Variants in IZUMO4 observed in about 807,000 individuals in gnomAD.
IZUMO4 encodes the protein IZUMO family member 4.
IZUMO4 carries 51 observed loss-of-function variants against 37.1 expected under a neutral mutation model. The ratio of observed to expected loss-of-function variants is 1.38; its 90% CI spans 1.10 to 1.74. The LOEUF is 1.74. Ranked by LOEUF, IZUMO4 falls within the 40% of genes most tolerant of loss-of-function variation. IZUMO4 has a pLI of 0.00. For missense variants in IZUMO4, 364 were observed against 299.6 expected (o/e 1.21, Z -1.59); for synonymous variants, 162 against 121.4 (o/e 1.33, Z -2.20).
At position 2,098,970 on chromosome 19, in the gene IZUMO4, G is replaced by T; in HGVS notation, c.555-6G>T. The T allele has an allele frequency of 1.9e-6, 3 of 1,613,090 alleles. No homozygotes were observed. The highest frequency in any genetic ancestry group is 2.5e-6 in the Non-Finnish European group (3 of 1,179,940). Reference sequence around the variant, plus strand: ...AACCACACCCATGTGGTGGTTTCATGAACAGACCACGCTCCTCTGCCTTCT... The same window carrying T: ...AACCACACCCATGTGGTGGTTTCATTAACAGACCACGCTCCTCTGCCTTCT... On this transcript the variant is annotated splice_region_variant and splice_polypyrimidine_tract_variant and intron_variant, in intron 8 of 9. Coordinates refer to ENST00000395301, the MANE Select transcript of IZUMO4 (RefSeq NM_001039846.2).
intron 7 of IZUMO4, 121 bp downstream of exon 7, chr19:2,098,571 G>C: frequency 6.2e-7 from 1 of 1,605,446 alleles, no homozygotes; most frequent in Admixed American, 1.7e-5. Flanking sequence ...TCCCGAGGAG[G>C]TGGAACCTCA....
chr19:2,097,386 C>T, intron 2 of IZUMO4, 38 bp from the exon 3 acceptor site: 2 of 1,608,608 alleles, frequency 1.2e-6, no homozygotes, highest in South Asian at 1.1e-5. Flanking sequence ...ACCCCGCCCA[C>T]CGCCTGAGCC....
Position 2,097,938 on chromosome 19 carries a change from A to G in IZUMO4, c.380A>G (p.Asp127Gly). The G allele has an allele frequency of 6.2e-7, 1 of 1,613,108 alleles. No homozygotes were observed. The highest frequency in any genetic ancestry group is 8.5e-7 in the Non-Finnish European group (1 of 1,179,970). ...IQNAIIESRIDCQHRCGIFQY... is the reference protein window; with the variant it reads ...IQNAIIESRIGCQHRCGIFQY... ...TCCTGCCCTCCCACAGGCCGCATCG[A>G]CTGTCAGCACCGCTGTGGTAAGCAA... The change falls in exon 4 of 10, where the codon GAC (aspartate) becomes GGC (glycine). Residue 127 changes from aspartate to glycine, a missense_variant. Coordinates refer to ENST00000395301, the MANE Select transcript of IZUMO4 (RefSeq NM_001039846.2).
intron 7 of IZUMO4, 93 bp from the exon 8 acceptor site, chr19:2,098,694 C>G: frequency 6.4e-7 from 1 of 1,573,200 alleles, no homozygotes; most frequent in Non-Finnish European, 8.6e-7. Flanking sequence ...TGGTTCCACC[C>G]CATCCCAGGT....
intron 7 of IZUMO4, 136 bp downstream of exon 7, chr19:2,098,586 A>G (rs2017794141): frequency 6.3e-7 from 1 of 1,599,730 alleles, no homozygotes; most frequent in East Asian, 2.2e-5. Flanking sequence ...ACCTCAACCC[A>G]GCTCTGCGCA....
At position 2,098,772 on chromosome 19, in the gene IZUMO4, C is replaced by T. The variant is rs2017803005; in HGVS notation, c.537-15C>T. 4.4e-6 allele frequency: 7 copies of T among 1,604,500 alleles called. No individual in the cohort carries two copies. Among genetic ancestry groups the T allele is most frequent in the South Asian group, 2.2e-5 (2 of 90,168 alleles). On this transcript the variant is annotated splice_polypyrimidine_tract_variant and intron_variant, in intron 7 of 9. Transcript: ENST00000395301. ...TGCCCCATGGAGGGGCTGACTGCCC[C>T]ACATTGCCTTTCAGACAGGACACGA...
intron 3 of IZUMO4, 73 bp from the exon 4 acceptor site, chr19:2,097,856 G>C (rs151161312): frequency 1.3e-6 from 2 of 1,578,862 alleles, no homozygotes; most frequent in East Asian, 2.2e-5. Context: ...CTGAGGCTTT[G>C]GAGGGTTGGG....
At chr19:2,098,029 G>A in intron 4 of IZUMO4, 23 bp from the exon 5 acceptor site, 1 of 1,613,222 alleles carries the variant, frequency 6.2e-7, no homozygotes, top group Non-Finnish European at 8.5e-7. Flanking sequence ...GGGGAGCCCT[G>A]GCGGCTCTTG....
rs777775783 is a variant in IZUMO4 at position 2,098,039 on chromosome 19, G to C, written c.398-13G>C. 1.9e-6 allele frequency: 3 copies of C among 1,613,346 alleles called. No homozygotes were observed. Among genetic ancestry groups the C allele is most frequent in the South Asian group, 1.1e-5 (1 of 91,092 alleles). ...GCTGAGGGGAGCCCTGGCGGCTCTT[G>C]TACGTGTTTCAGGCATCTTCCAGTA... On this transcript the variant is annotated splice_polypyrimidine_tract_variant and intron_variant, in intron 4 of 9. Coordinates refer to ENST00000395301, the MANE Select transcript of IZUMO4 (RefSeq NM_001039846.2).
intron 3 of IZUMO4, 116 bp from the exon 4 acceptor site, chr19:2,097,813 G>A (rs892113958): frequency 1.5e-6 from 2 of 1,322,226 alleles, no homozygotes; most frequent in Non-Finnish European, 2.1e-6. Context: ...TGAAAACCAG[G>A]TGAGCCTGGG....
chr19:2,098,674 C>T lies in IZUMO4; in HGVS notation c.537-113C>T, dbSNP rs796568517. On this transcript the variant is annotated intron_variant, in intron 7 of 9. Coordinates refer to ENST00000395301, the MANE Select transcript of IZUMO4 (RefSeq NM_001039846.2). ...GGCGGGCATCTTTCCTAAAGGGTCC[C>T]CATAGGGTCTGGTTCCACCCCATCC... is the stretch of plus-strand genomic sequence containing the variant. 35 of 1,564,314 alleles carry T rather than the reference C, an allele frequency of 2.2e-5. 1 individual carries two copies. In the Admixed American group the frequency reaches 3.7e-4, roughly 16 times the overall value.
chr19:2,097,374 AC>A, intron 2 of IZUMO4, 42 bp downstream of exon 2: 2 of 801,406 alleles, frequency 2.5e-6, no homozygotes, highest in Admixed American at 2.0e-5. Flanking sequence ...CCACCCCGGG[AC>A]ACCCCGCCCA....
In IZUMO4 at chr19:2,098,805, G is replaced by GT; in HGVS notation, c.554+2dup. On this transcript the variant is annotated splice_donor_variant, in intron 8 of 9. Transcript: ENST00000395301. LOFTEE classifies it high-confidence loss of function. Reference sequence around the variant, plus strand: ...CTTTCAGACAGGACACGAGCATGAGGTAAGGCCGCCCTGACCTGGACTTCA... The same window carrying GT: ...CTTTCAGACAGGACACGAGCATGAGGTTAAGGCCGCCCTGACCTGGACTTCA... The GT allele has an allele frequency of 1.3e-6, 2 of 1,599,934 alleles. No individual in the cohort carries two copies. Among genetic ancestry groups the GT allele is most frequent in the Non-Finnish European group, 1.7e-6 (2 of 1,172,868 alleles).
intron 5 of IZUMO4, 57 bp from the exon 6 acceptor site, chr19:2,098,230 G>C: frequency 3.7e-6 from 6 of 1,612,460 alleles, no homozygotes; most frequent in Non-Finnish European, 5.1e-6. Context: ...GGCTGTCATC[G>C]GGTAGGGCGG....
At chr19:2,097,815 G>A (rs1010511543) in intron 3 of IZUMO4, 114 bp from the exon 4 acceptor site, 3 of 1,337,118 alleles carry the variant, frequency 2.2e-6, no homozygotes, top group Non-Finnish European at 3.2e-6. Flanking sequence ...AAAACCAGGT[G>A]AGCCTGGGCC....
In IZUMO4 at chr19:2,098,041, A is replaced by T. The variant is rs757421628; in HGVS notation, c.398-11A>T. On this transcript the variant is annotated splice_polypyrimidine_tract_variant and intron_variant, in intron 4 of 9. Coordinates refer to ENST00000395301, the MANE Select transcript of IZUMO4 (RefSeq NM_001039846.2). ...TGAGGGGAGCCCTGGCGGCTCTTGT[A>T]CGTGTTTCAGGCATCTTCCAGTACG... is the stretch of plus-strand genomic sequence containing the variant. 14 of 1,613,300 alleles carry T rather than the reference A, an allele frequency of 8.7e-6. No individual in the cohort carries two copies. The South Asian group carries it at 1.1e-4, about 13-fold the overall frequency.
In IZUMO4 at chr19:2,098,969, T is replaced by C. The variant is rs1599423829; in HGVS notation, c.555-7T>C. ...CAACCACACCCATGTGGTGGTTTCA[T>C]GAACAGACCACGCTCCTCTGCCTTC... On this transcript the variant is annotated splice_region_variant and splice_polypyrimidine_tract_variant and intron_variant, in intron 8 of 9. Transcript: ENST00000395301. 1 of 1,613,058 alleles carries C rather than the reference T, an allele frequency of 6.2e-7. No homozygotes were observed. Among genetic ancestry groups the C allele is most frequent in the East Asian group, 2.2e-5 (1 of 44,878 alleles).
In IZUMO4 at chr19:2,098,448, C is replaced by T. The variant is rs763662871; in HGVS notation, c.534C>T (p.His178=). ...ACTGTCTTTGTAGAAATAACTGGCACAAGTAAGTCCCCTCCTCAAACCAAC... is the reference window on the plus strand; with the variant it reads ...ACTGTCTTTGTAGAAATAACTGGCATAAGTAAGTCCCCTCCTCAAACCAAC... ...QGLLNYINNW[H]KQDTSMRPRS... The change falls in exon 7 of 10, where the codon CAC becomes CAT. Residue 178 remains histidine (H), a splice_region_variant and synonymous_variant. Transcript: ENST00000395301. 1.2e-6 allele frequency: 2 copies of T among 1,613,914 alleles called. No individual in the cohort carries two copies. Among genetic ancestry groups the T allele is most frequent in the South Asian group, 1.1e-5 (1 of 91,088 alleles).
At position 2,097,167 on chromosome 19, in the gene IZUMO4, G is replaced by C. The variant is rs1436221239; in HGVS notation, c.217+5G>C. On this transcript the variant is annotated splice_donor_5th_base_variant and intron_variant, in intron 1 of 9. Transcript: ENST00000395301. ...TGGCCATCCCCGCCAAGATCAGTGAGTGCCGGAGCCCAGCCCAGTCCCGAC... is the reference window on the plus strand; with the variant it reads ...TGGCCATCCCCGCCAAGATCAGTGACTGCCGGAGCCCAGCCCAGTCCCGAC... 1 of 1,609,218 alleles carries C rather than the reference G, an allele frequency of 6.2e-7. No homozygotes were observed. Among genetic ancestry groups the C allele is most frequent in the Non-Finnish European group, 8.5e-7 (1 of 1,177,420 alleles).
Sources: gnomAD v4.1 joint callset for allele counts on GRCh38, gnomAD v4.1.1 for gene constraint, MANE v1.5 for transcripts, NCBI Gene and HGNC (gene_info 2026-07-23, HGNC 2026-07-21) for gene names.